The following SHROOM3 variants were observed in gnomAD, a reference collection of about 807,000 sequenced individuals.
The protein encoded by SHROOM3 is shroom family member 3.
SHROOM3 carries 47 observed loss-of-function variants against 138.6 expected under a neutral mutation model. The observed-to-expected ratio is 0.34, with a 90% CI of 0.27 to 0.43. The LOEUF (loss-of-function observed/expected upper bound fraction) is 0.43, where lower values mean the gene tolerates loss of function less well. Among genes scored for constraint, SHROOM3 ranks in the 20% least tolerant of loss-of-function variants. The probability of loss-of-function intolerance (pLI) is 1.00; values close to 1 mark genes in which losing one functional copy is unlikely to be tolerated. For synonymous variants in SHROOM3, 1,062 were observed against 1,063.3 expected (o/e 1.00, Z 0.02); for missense variants, 2,491 against 2,596.5 (o/e 0.96, Z 0.88).
At chr4:76,637,099 A>G (rs1735519435) in intron 2 of SHROOM3, among the ~76,000 whole-genome samples, 1 of 152,226 alleles carries the variant, frequency 6.6e-6, no homozygotes, top group South Asian at 2.1e-4. Flanking sequence ...CCTACCAATG[A>G]CATTAACTGA....
At chr4:76,725,684 C>T (rs1053066445) in intron 3 of SHROOM3, among the ~76,000 whole-genome samples, 53 of 152,322 alleles carry the variant, frequency 3.5e-4, no homozygotes, top group African/African-American at 1.2e-3. Context: ...ACATTGGGTA[C>T]GAGGTCCCCT....
At chr4:76,449,440 G>A (rs371249659) in intron 1 of SHROOM3, among the ~76,000 whole-genome samples, 7 of 152,158 alleles carry the variant, frequency 4.6e-5, no homozygotes, top group African/African-American at 1.2e-4. Flanking sequence ...CACAGTTTCC[G>A]ACCTACCCTG....
chr4:76,569,708 T>C (rs1488831331), intron 2 of SHROOM3, among the ~76,000 whole-genome samples: 1 of 152,000 alleles, frequency 6.6e-6, no homozygotes, highest in Non-Finnish European at 1.5e-5. Context: ...AGTTTTTTTT[T>C]TTTCCCCTCA....
intron 2 of SHROOM3, among the ~76,000 whole-genome samples, chr4:76,623,296 T>C (rs6823696): frequency 0.36 from 55,408 of 152,058 alleles, 10,672 homozygotes; most frequent in East Asian, 0.51. Flanking sequence ...GCTGATCCCT[T>C]AGTATACCAG....
intron 2 of SHROOM3, among the ~76,000 whole-genome samples, chr4:76,604,711 A>T (rs1734579828): frequency 6.6e-6 from 1 of 152,230 alleles, no homozygotes. Context: ...CAACCATCTA[A>T]GGCAGTATAG....
chr4:76,439,497 A>G (rs1449735169), intron 1 of SHROOM3, among the ~76,000 whole-genome samples: 3 of 152,182 alleles, frequency 2.0e-5, no homozygotes, highest in East Asian at 1.9e-4. Context: ...GTAGAAGTCT[A>G]TGTAATTAAG....
chr4:76,528,181 G>A (rs1732740023), intron 1 of SHROOM3, among the ~76,000 whole-genome samples: 1 of 152,152 alleles, frequency 6.6e-6, no homozygotes, highest in Non-Finnish European at 1.5e-5. Context: ...GAGCCAAGAA[G>A]TAATTTTATT....
At chr4:76,516,174 A>G (rs1363008002) in intron 1 of SHROOM3, among the ~76,000 whole-genome samples, 1 of 152,188 alleles carries the variant, frequency 6.6e-6, no homozygotes. Context: ...GTGAATGACC[A>G]AGGATACTGA....
intron 2 of SHROOM3, among the ~76,000 whole-genome samples, chr4:76,566,159 G>A (rs1577889441): frequency 6.7e-6 from 1 of 148,780 alleles, no homozygotes; most frequent in African/African-American, 2.5e-5. Context: ...TGGTTCATCT[G>A]TACTGAAAAT....
chr4:76,500,763 T>A (rs1052848616), intron 1 of SHROOM3, among the ~76,000 whole-genome samples: 1 of 151,262 alleles, frequency 6.6e-6, no homozygotes, highest in Non-Finnish European at 1.5e-5. Flanking sequence ...TTTGGTAAAG[T>A]ATCTAAATCT....
At position 76,770,709 on chromosome 4, in the gene SHROOM3, C is replaced by T. The variant is rs372563142; in HGVS notation, c.5433C>T (p.Asn1811=). ...KGSLLTDIKL[N]NALGEEVEAL... ...GCCTGCTCACGGACATCAAGCTCAA[C>T]AACGCCCTGGGAGAAGAGGTGGAGG... is the stretch of plus-strand genomic sequence containing the variant. The change falls in exon 10 of 11, where the codon AAC becomes AAT. Residue 1811 remains asparagine (N), a synonymous_variant. Transcript: ENST00000296043. The T allele has an allele frequency of 1.7e-5, 28 of 1,614,094 alleles. No homozygotes were observed. The highest frequency in any genetic ancestry group is 2.1e-5 in the Non-Finnish European group (25 of 1,180,048).
At chr4:76,617,640 T>G (rs985388003) in intron 2 of SHROOM3, among the ~76,000 whole-genome samples, 4 of 152,204 alleles carry the variant, frequency 2.6e-5, no homozygotes, top group African/African-American at 9.6e-5. Context: ...TTTAATCATC[T>G]AAGGGTTTTT....
Position 76,739,411 on chromosome 4 carries a change from G to C in SHROOM3, c.1238G>C (p.Cys413Ser). The C allele has an allele frequency of 6.2e-7, 1 of 1,614,140 alleles. No individual in the cohort carries two copies. Among genetic ancestry groups the C allele is most frequent in the Non-Finnish European group, 8.5e-7 (1 of 1,180,048 alleles). Residue 413 changes from cysteine to serine, a missense_variant, in exon 5 of 11, where the codon TGC becomes TCC. By Grantham distance (112) the Cys-to-Ser change is moderately radical (BLOSUM62 -1). Transcript: ENST00000296043. Reference sequence around the variant, plus strand: ...TCTAGCCTTGATCAGAAACGGCTCTGCCGGCCTCAGGCAAACTCTTTAGGC... The same window carrying C: ...TCTAGCCTTGATCAGAAACGGCTCTCCCGGCCTCAGGCAAACTCTTTAGGC... ...SWSSLDQKRL[C>S]RPQANSLGSL...
chr4:76,586,938 T>C (rs1438918682), intron 2 of SHROOM3: 3 of 152,238 alleles, frequency 2.0e-5, no homozygotes, highest in Non-Finnish European at 2.9e-5. Context: ...AGGCAGCTTT[T>C]CTTTTTTAGG....
intron 2 of SHROOM3, chr4:76,689,052 G>T (rs1719419842): frequency 1.6e-6 from 1 of 614,738 alleles, no homozygotes; most frequent in African/African-American, 2.0e-5. Context: ...TCTGAAAAGC[G>T]AGCGCGGGCT....
chr4:76,772,241 T>C (rs1560624507), intron 10 of SHROOM3, among the ~76,000 whole-genome samples: 1 of 151,770 alleles, frequency 6.6e-6, no homozygotes, highest in Non-Finnish European at 1.5e-5. Context: ...GTAGCTGAGA[T>C]TACAGGTGCG....
At chr4:76,573,090 AT>A (rs1560550282) in intron 2 of SHROOM3, among the ~76,000 whole-genome samples, 1 of 151,912 alleles carries the variant, frequency 6.6e-6, no homozygotes, top group Non-Finnish European at 1.5e-5. Flanking sequence ...CAAAAAAAAA[AT>A]AAAAAAGAAA....
At chr4:76,558,590 C>G (rs370355482) in intron 2 of SHROOM3, among the ~76,000 whole-genome samples, 17 of 152,258 alleles carry the variant, frequency 1.1e-4, no homozygotes, top group African/African-American at 2.9e-4. Flanking sequence ...TCATGACTGT[C>G]TCAGACCTTG....
chr4:76,669,598 C>G (rs1718816876), intron 2 of SHROOM3, among the ~76,000 whole-genome samples: 3 of 150,040 alleles, frequency 2.0e-5, no homozygotes, highest in African/African-American at 7.4e-5. Flanking sequence ...GAGCAAAACT[C>G]TGTCTCAAAA....
Sources: gnomAD v4.1 joint callset for allele counts (sites outside exome capture counted in the v4.1 genomes callset) on GRCh38, gnomAD v4.1.1 for gene constraint, MANE v1.5 for transcripts, NCBI Gene and HGNC (gene_info 2026-07-23, HGNC 2026-07-21) for gene names.